ADCY7: variants seen among roughly 807,000 people sequenced by gnomAD.
The protein encoded by ADCY7 is adenylate cyclase type 7.
Under a neutral mutation model 120.6 loss-of-function variants are expected in ADCY7, and 72 were observed. That is an observed-to-expected ratio of 0.60 (90% CI 0.49 to 0.73). ADCY7 has a LOEUF of 0.73. ADCY7 is among the 30% of genes least tolerant of loss of function. The pLI is 0.00. For synonymous variants in ADCY7, 661 were observed against 628.0 expected, an observed-to-expected ratio of 1.05 and a Z score of -0.78; for missense variants, 1,227 against 1,486.0, an observed-to-expected ratio of 0.83 and a Z score of 2.87.
In ADCY7 at chr16:50,256,084, A is replaced by G. The variant is rs562890394; in HGVS notation, c.-64+9881A>G. ...ACAAAAGCAAAAATAGACAAATAGG[A>G]TGATGTCAAACTTAAAAGCCTCTGC... On this transcript the variant is annotated intron_variant, in intron 1 of 4. Transcript: ENST00000564044. Among the ~76,000 whole-genome samples the G allele has an allele frequency of 2.0e-5, 3 of 152,270 alleles. No individual in the cohort carries two copies. The South Asian group carries it at 6.2e-4, about 32-fold the overall frequency.
intron 8 of ADCY7, among the ~76,000 whole-genome samples, chr16:50,299,904 A>T (rs1317046523): frequency 6.6e-6 from 1 of 152,086 alleles, no homozygotes; most frequent in Non-Finnish European, 1.5e-5. Flanking sequence ...CTGTGCCCCA[A>T]GGAAGCTCTC....
upstream of ADCY7, among the ~76,000 whole-genome samples, chr16:50,244,997 C>T (rs2032538297): frequency 6.6e-6 from 1 of 152,234 alleles, no homozygotes; most frequent in Admixed American, 6.5e-5. Flanking sequence ...GAGGCTCCAC[C>T]TTCCAGCCTC....
At chr16:50,313,206 TAGG>T (rs2036580669) in intron 22 of ADCY7, 170 bp downstream of exon 22, 2 of 815,356 alleles carry the variant, frequency 2.5e-6, no homozygotes, top group Non-Finnish European at 1.8e-6. Context: ...CACTTGAGGC[TAGG>T]AGTTCGAGAC....
In ADCY7 at chr16:50,311,814, C is replaced by T. The variant is rs987774764; in HGVS notation, c.2448+28C>T. 8 of 1,256,018 alleles carry T rather than the reference C, an allele frequency of 6.4e-6. No homozygotes were observed. In the East Asian group the frequency reaches 8.5e-5, roughly 13 times the overall value. 77.8% of individuals were successfully genotyped at this position (1,256,018 alleles called of 1,614,324 possible). ...AAGGAGGCTGGCCCCCCCCCCCCCC[C>T]CAAGCTCTGCCCACTTTTCCTCACC... On this transcript the variant is annotated intron_variant, in intron 20 of 25. Transcript: ENST00000673801.
intron 1 of ADCY7, among the ~76,000 whole-genome samples, chr16:50,258,825 G>A (rs13336138): frequency 0.016 from 2,418 of 152,020 alleles, 74 homozygotes; most frequent in African/African-American, 0.056. Context: ...GGGCTCAAGC[G>A]ATCCTCCTGA....
chr16:50,275,516 G>C (rs2033831392), intron 1 of ADCY7, among the ~76,000 whole-genome samples: 1 of 152,204 alleles, frequency 6.6e-6, no homozygotes, highest in Non-Finnish European at 1.5e-5. Context: ...ATTAACAAAA[G>C]GATGGGGAAA....
rs2036816774 is a variant in ADCY7, at chr16:50,316,705, C to T, written c.*1200C>T. 1 of 152,356 alleles carries T rather than the reference C, an allele frequency of 6.6e-6. No homozygotes were observed. The highest frequency in any genetic ancestry group is 6.5e-5 in the Admixed American group (1 of 15,278). 9.4% of individuals were successfully genotyped at this position (152,356 alleles called of 1,614,324 possible). On this transcript the variant is annotated 3_prime_UTR_variant, in exon 26 of 26. Transcript: ENST00000673801. The stretch of plus-strand genomic sequence containing the variant: ...AGCCAGGTTTTGGGGATGTGTCTTA[C>T]TGTGCTTCAACTTCCCAAGGAATTG...
At chr16:50,264,198 G>C (rs2033129700), upstream of ADCY7, among the ~76,000 whole-genome samples, 2 of 152,270 alleles carry the variant, frequency 1.3e-5, no homozygotes, top group Middle Eastern at 6.8e-3. Context: ...CATCATTTCT[G>C]AAGTTTCATA....
intron 1 of ADCY7, among the ~76,000 whole-genome samples, chr16:50,258,564 A>C (rs2032979188): frequency 1.3e-5 from 2 of 151,196 alleles, no homozygotes; most frequent in South Asian, 4.2e-4. Flanking sequence ...TAATACTGGC[A>C]GTCATTGATA....
At chr16:50,299,231 C>G (rs2035556243) in intron 8 of ADCY7, among the ~76,000 whole-genome samples, 200 bp downstream of exon 8, 1 of 152,270 alleles carries the variant, frequency 6.6e-6, no homozygotes, top group African/African-American at 2.4e-5. Context: ...GTGGTGCTGC[C>G]TGTGACTCTG....
chr16:50,286,429 C>CAA (rs34686094), intron 1 of ADCY7, among the ~76,000 whole-genome samples: 19,212 of 112,066 alleles, frequency 0.17, 1,827 homozygotes, highest in Non-Finnish European at 0.21. Flanking sequence ...GACCCCATCT[C>CAA]AAAAAAAAAA....
chr16:50,302,960 G>C (rs1312385055), intron 10 of ADCY7, among the ~76,000 whole-genome samples: 4 of 152,250 alleles, frequency 2.6e-5, no homozygotes, highest in Non-Finnish European at 4.4e-5. Context: ...GTGGGCTCCT[G>C]TGGACTGGAT....
At chr16:50,294,586 C>A in intron 6 of ADCY7, 54 bp from the exon 7 acceptor site, 1 of 1,183,380 alleles carries the variant, frequency 8.5e-7, no homozygotes, top group Non-Finnish European at 1.2e-6. Context: ...GCTCCTGCTG[C>A]TGCTGTCTAG....
At chr16:50,278,426 G>T (rs2034040071) in intron 1 of ADCY7, among the ~76,000 whole-genome samples, 1 of 152,144 alleles carries the variant, frequency 6.6e-6, no homozygotes, top group Non-Finnish European at 1.5e-5. Context: ...TTGGGCTATT[G>T]GTCTTCTTTT....
Position 50,315,301 on chromosome 16 carries a change from C to T in ADCY7, c.3097-58C>T. The T allele has an allele frequency of 4.4e-6, 7 of 1,583,490 alleles. No homozygotes were observed. The South Asian group carries it at 8.0e-5, about 18-fold the overall frequency. On this transcript the variant is annotated intron_variant, in intron 25 of 25. Coordinates refer to ENST00000673801, the MANE Select transcript of ADCY7 (RefSeq NM_001114.5). ...ATGCCTGGGCAGTCTCTATCTGTCC[C>T]TACCATGACAGGTGTTCTTCCCGCC...
chr16:50,300,899 G>A, intron 9 of ADCY7, 26 bp downstream of exon 9: 1 of 1,552,074 alleles, frequency 6.4e-7, no homozygotes, highest in Non-Finnish European at 8.7e-7. Flanking sequence ...GTAGCCGCAG[G>A]GACAGAGGCC....
chr16:50,304,691 G>A, intron 11 of ADCY7, 140 bp downstream of exon 11: 2 of 1,045,222 alleles, frequency 1.9e-6, no homozygotes, highest in Non-Finnish European at 2.8e-6. Flanking sequence ...CCACCTCCTG[G>A]GGCTGGAGAG....
chr16:50,279,338 T>TTC (rs1256745191), intron 1 of ADCY7, among the ~76,000 whole-genome samples: 1 of 152,252 alleles, frequency 6.6e-6, no homozygotes, highest in Non-Finnish European at 1.5e-5. Flanking sequence ...GACTTCCCCT[T>TTC]TCTGTTCTTC....
Position 50,315,461 on chromosome 16 carries a change from GT to G in ADCY7, c.3200del (p.Val1067AlafsTer13), listed in dbSNP as rs1567587547. On this transcript the variant is annotated frameshift_variant, in exon 26 of 26. Coordinates refer to ENST00000673801, the MANE Select transcript of ADCY7 (RefSeq NM_001114.5). LOFTEE classifies it high-confidence loss of function. The stretch of plus-strand genomic sequence containing the variant: ...CAAAGGCGAGCTGAGGACTTACTTT[GT>G]CTGTACGGACACTGCCAAGTTTCAG... ...KGKGELRTYFVCTDTAKFQGL... is the reference protein window; with the variant it reads ...KGKGELRTYFXCTDTAKFQGL... 1 of 1,614,138 alleles carries G rather than the reference GT, an allele frequency of 6.2e-7. No homozygotes were observed. The highest frequency in any genetic ancestry group is 8.5e-7 in the Non-Finnish European group (1 of 1,179,984).
Sources: gnomAD v4.1 joint callset for allele counts (sites outside exome capture counted in the v4.1 genomes callset) on GRCh38, gnomAD v4.1.1 for gene constraint, MANE v1.5 for transcripts, NCBI Gene and HGNC (gene_info 2026-07-23, HGNC 2026-07-21) for gene names.